The following KIRREL3 variants were observed in gnomAD, a reference collection of about 807,000 sequenced individuals.
KIRREL3 encodes kirre like nephrin family adhesion molecule 3.
A neutral mutation model predicts 89.7 loss-of-function variants in KIRREL3; 36 were observed. The ratio of observed to expected loss-of-function variants is 0.40; its 90% CI spans 0.31 to 0.53. The LOEUF (loss-of-function observed/expected upper bound fraction) is 0.53. Among genes scored for constraint, KIRREL3 ranks in the 20% least tolerant of loss-of-function variants. The pLI is 0.49. For synonymous variants in KIRREL3, 445 were observed against 441.4 expected (o/e 1.01, Z -0.10); for missense variants, 864 against 1,056.6 (o/e 0.82, Z 2.53).
rs1333986247 is a variant in KIRREL3, at chr11:126,807,631, C to T, written c.55+192824G>A. ...GCTGTGCCCTTCCCCATCTCCATGC[C>T]TTTAAACTTGTCACAGTTCCTGCCT... On this transcript the variant is annotated intron_variant, in intron 1 of 16. Transcript: ENST00000525144. The surrounding 1 kb of genome is among the most constrained non-coding windows in gnomAD (Gnocchi z 4.3). 6.6e-6 allele frequency among the ~76,000 whole-genome samples: 1 copy of T among 152,172 alleles called. No individual in the cohort carries two copies. Among genetic ancestry groups the T allele is most frequent in the East Asian group, 1.9e-4 (1 of 5,198 alleles).
Position 126,977,086 on chromosome 11 carries a change from T to TA in KIRREL3, c.55+23368dup, listed in dbSNP as rs1224641837. ...TTTATTCTTCTTCCTTCTTGAAACC[T>TA]AAAAAAATCTCTCTTTTCCTTTTTT... On this transcript the variant is annotated intron_variant, in intron 1 of 16. Transcript: ENST00000525144. The surrounding 1 kb of genome is among the most constrained non-coding windows in gnomAD (Gnocchi z 4.7). Among the ~76,000 whole-genome samples the TA allele has an allele frequency of 3.9e-5, 6 of 152,272 alleles. No individual in the cohort carries two copies. The highest frequency in any genetic ancestry group is 3.9e-4 in the East Asian group (2 of 5,180).
At chr11:126,730,434 G>T (rs7929255) in intron 1 of KIRREL3, among the ~76,000 whole-genome samples, 1 of 152,156 alleles carries the variant, frequency 6.6e-6, no homozygotes, top group Non-Finnish European at 1.5e-5. Flanking sequence ...ACTCCTACAG[G>T]TATCTTCAAC....
intron 1 of KIRREL3, among the ~76,000 whole-genome samples, chr11:126,690,351 T>A (rs1234251484): frequency 2.0e-5 from 3 of 148,622 alleles, no homozygotes; most frequent in Non-Finnish European, 4.4e-5. Context: ...AGAAATTAGT[T>A]CTAAGCAGGG....
chr11:126,944,705 C>T (rs1283896150), intron 1 of KIRREL3, among the ~76,000 whole-genome samples: 2 of 152,288 alleles, frequency 1.3e-5, no homozygotes, highest in East Asian at 1.9e-4. Flanking sequence ...CACCTGCAAA[C>T]CTGGGGAGAG....
chr11:126,828,447 TC>T (rs1485124709), intron 1 of KIRREL3, among the ~76,000 whole-genome samples: 1 of 152,216 alleles, frequency 6.6e-6, no homozygotes, highest in Admixed American at 6.5e-5. Flanking sequence ...AATAAGGGGA[TC>T]TGGACTTTTT....
At chr11:126,733,206 A>G (rs1592043385) in intron 1 of KIRREL3, among the ~76,000 whole-genome samples, 1 of 152,224 alleles carries the variant, frequency 6.6e-6, no homozygotes, top group East Asian at 1.9e-4. Flanking sequence ...AAGGTGGGTA[A>G]GTATTTTTAG....
chr11:126,826,510 A>G (rs4937190), intron 1 of KIRREL3, among the ~76,000 whole-genome samples: 131,192 of 152,100 alleles, frequency 0.86, 56,912 homozygotes, highest in East Asian at 1. Flanking sequence ...ACCTTCTCCA[A>G]TTTTTTAAAA....
Position 126,917,459 on chromosome 11 carries a change from G to A in KIRREL3, c.55+82996C>T, listed in dbSNP as rs1483383421. Among the ~76,000 whole-genome samples the A allele has an allele frequency of 6.6e-6, 1 of 151,936 alleles. No individual in the cohort carries two copies. The highest frequency in any genetic ancestry group is 2.4e-5 in the African/African-American group (1 of 41,320). On this transcript the variant is annotated intron_variant, in intron 1 of 16. Transcript: ENST00000525144. The surrounding 1 kb of genome is among the most constrained non-coding windows in gnomAD (Gnocchi z 5.0). ...AAGTGGTTAAAATGTCAAATTTCATGTTGTATATATTTTACCACAATAAAA... is the reference window on the plus strand; with the variant it reads ...AAGTGGTTAAAATGTCAAATTTCATATTGTATATATTTTACCACAATAAAA...
chr11:126,692,063 T>C (rs746666014), intron 1 of KIRREL3, among the ~76,000 whole-genome samples: 7 of 152,178 alleles, frequency 4.6e-5, no homozygotes, highest in Non-Finnish European at 8.8e-5. Context: ...CCTTGTGCAC[T>C]GTTGGTGGTG....
chr11:126,958,211 C>T (rs1196638887), intron 1 of KIRREL3, among the ~76,000 whole-genome samples: 4 of 152,194 alleles, frequency 2.6e-5, no homozygotes, highest in African/African-American at 9.7e-5. Context: ...GGGAGTGTGA[C>T]TATGAAAGAA....
In KIRREL3 at chr11:126,994,015, T is replaced by C. The variant is rs1950111228; in HGVS notation, c.55+6440A>G. Among the ~76,000 whole-genome samples the C allele has an allele frequency of 6.6e-6, 1 of 151,906 alleles. No individual in the cohort carries two copies. Among genetic ancestry groups the C allele is most frequent in the Non-Finnish European group, 1.5e-5 (1 of 67,998 alleles). On this transcript the variant is annotated intron_variant, in intron 1 of 16. Coordinates refer to ENST00000525144, the MANE Select transcript of KIRREL3 (RefSeq NM_032531.4). The surrounding 1 kb of genome is among the most constrained non-coding windows in gnomAD (Gnocchi z 5.2). The stretch of plus-strand genomic sequence containing the variant: ...GCACACATCCTTTCTTATACTGACA[T>C]ACATAGGCCATCCATTGCAGTTTTA...
In KIRREL3 at chr11:126,999,057, A is replaced by G. The variant is rs1258440981; in HGVS notation, c.55+1398T>C. 6.6e-6 allele frequency among the ~76,000 whole-genome samples: 1 copy of G among 150,734 alleles called. No homozygotes were observed. The highest frequency in any genetic ancestry group is 1.5e-5 in the Non-Finnish European group (1 of 67,902). On this transcript the variant is annotated intron_variant, in intron 1 of 16. Coordinates refer to ENST00000525144, the MANE Select transcript of KIRREL3 (RefSeq NM_032531.4). The surrounding 1 kb of genome is among the most constrained non-coding windows in gnomAD (Gnocchi z 5.7). Reference sequence around the variant, plus strand: ...ATACCAGTGTTCTGAGAGAGTTCTTATTCATTCAGCCTGAAACTCTGGGGA... The same window carrying G: ...ATACCAGTGTTCTGAGAGAGTTCTTGTTCATTCAGCCTGAAACTCTGGGGA...
chr11:126,700,600 C>T (rs919508031), intron 1 of KIRREL3, among the ~76,000 whole-genome samples: 6 of 152,332 alleles, frequency 3.9e-5, no homozygotes, highest in Admixed American at 2.6e-4. Context: ...CACCTTTGGC[C>T]GATCCTCTGC....
At chr11:126,868,072 G>T in intron 1 of KIRREL3, among the ~76,000 whole-genome samples, 1 of 124,958 alleles carries the variant, frequency 8.0e-6, no homozygotes, top group East Asian at 2.8e-4. Context: ...GTGGGGGGTG[G>T]GTGTGAAGCG....
chr11:126,958,844 A>T (rs569804525), intron 1 of KIRREL3, among the ~76,000 whole-genome samples: 1 of 152,110 alleles, frequency 6.6e-6, no homozygotes, highest in Non-Finnish European at 1.5e-5. Context: ...TGTGATGGTT[A>T]ATTTTATGTG....
chr11:126,719,308 G>A lies in KIRREL3; in HGVS notation c.56-156396C>T, dbSNP rs1264777257. ...AAATGGCCAGCTCTTCTGTTTGAACGCCTTCTTCTCTTAGCCTCTGGGAGA... is the reference window on the plus strand; with the variant it reads ...AAATGGCCAGCTCTTCTGTTTGAACACCTTCTTCTCTTAGCCTCTGGGAGA... On this transcript the variant is annotated intron_variant, in intron 1 of 16. Coordinates refer to ENST00000525144, the MANE Select transcript of KIRREL3 (RefSeq NM_032531.4). The surrounding 1 kb of genome is among the most constrained non-coding windows in gnomAD (Gnocchi z 4.7). Among the ~76,000 whole-genome samples, 4 of 152,110 alleles carry A rather than the reference G, an allele frequency of 2.6e-5. No individual in the cohort carries two copies. The highest frequency in any genetic ancestry group is 3.9e-4 in the East Asian group (2 of 5,186).
chr11:126,650,260 G>A (rs1944859916), intron 1 of KIRREL3, among the ~76,000 whole-genome samples: 2 of 152,338 alleles, frequency 1.3e-5, no homozygotes, highest in East Asian at 3.9e-4. Context: ...CTCCATCATC[G>A]TGGGGATTAA....
intron 1 of KIRREL3, among the ~76,000 whole-genome samples, chr11:126,634,414 C>A (rs957188661): frequency 1.3e-5 from 2 of 152,212 alleles, no homozygotes; most frequent in South Asian, 4.1e-4. Context: ...CATCACAATA[C>A]CATAGTTTTC....
rs181370714 is a variant in KIRREL3 at position 126,915,952 on chromosome 11, T to C, written c.55+84503A>G. 8.0e-3 allele frequency among the ~76,000 whole-genome samples: 1,225 copies of C among 152,328 alleles called. 17 individuals carry two copies. Among genetic ancestry groups the C allele is most frequent in the Middle Eastern group, 0.014 (4 of 294 alleles). The stretch of plus-strand genomic sequence containing the variant: ...GGCTTCATGACAGCAGGGCCTCATC[T>C]GCTCTCTTCGTGCAACCTCCCCCAG... On this transcript the variant is annotated intron_variant, in intron 1 of 16. Transcript: ENST00000525144.
Sources: allele counts gnomAD v4.1 joint callset (sites outside exome capture counted in the v4.1 genomes callset), GRCh38; gene constraint gnomAD v4.1.1; non-coding constraint Gnocchi (gnomAD v3.1); transcripts MANE v1.5; gene names NCBI Gene and HGNC (gene_info 2026-07-23, HGNC 2026-07-21).